The following CFAP300 variants were observed in gnomAD, a reference collection of about 807,000 sequenced individuals.
The protein encoded by CFAP300 is cilia and flagella associated protein 300, also known as cilia- and flagella-associated protein 300.
A neutral mutation model predicts 33.0 loss-of-function variants in CFAP300; 32 were observed. That is an observed-to-expected ratio of 0.97 (90% CI 0.73 to 1.30). The LOEUF is 1.30. Ranked by LOEUF, CFAP300 falls within the 50% of genes most tolerant of loss-of-function variation. The pLI is 0.00. For synonymous variants in CFAP300, 102 were observed against 106.8 expected (o/e 0.95, Z 0.28); for missense variants, 356 against 318.1 (o/e 1.12, Z -0.90).
intron 3 of CFAP300, among the ~76,000 whole-genome samples, chr11:102,065,494 C>T (rs547091608): frequency 6.0e-4 from 91 of 151,990 alleles, no homozygotes; most frequent in African/African-American, 2.0e-3. Flanking sequence ...TGGCCAGGCG[C>T]GGTTGCTCAT....
intron 2 of CFAP300, among the ~76,000 whole-genome samples, chr11:102,052,345 T>A (rs1941984006): frequency 6.6e-6 from 1 of 152,228 alleles, no homozygotes; most frequent in Non-Finnish European, 1.5e-5. Flanking sequence ...TGAGGTTAAT[T>A]CCAGTTTATG....
At chr11:102,053,207 C>T (rs757026704) in intron 2 of CFAP300, among the ~76,000 whole-genome samples, 30 of 150,776 alleles carry the variant, frequency 2.0e-4, no homozygotes, top group East Asian at 3.9e-4. Context: ...CCAGCCTGGG[C>T]GACAGAGTGA....
intron 3 of CFAP300, among the ~76,000 whole-genome samples, chr11:102,066,052 G>A (rs1164863882): frequency 6.6e-6 from 1 of 151,208 alleles, no homozygotes; most frequent in African/African-American, 2.4e-5. Flanking sequence ...CTGCCCACCA[G>A]GTTCAAGCAG....
chr11:102,057,022 A>G (rs1157248972), intron 2 of CFAP300, among the ~76,000 whole-genome samples: 1 of 152,066 alleles, frequency 6.6e-6, no homozygotes, highest in Admixed American at 6.6e-5. Flanking sequence ...CTGACATGAG[A>G]AAAGAAAAAT....
At chr11:102,080,872 A>G (rs1278180216) in intron 5 of CFAP300, among the ~76,000 whole-genome samples, 4 of 152,200 alleles carry the variant, frequency 2.6e-5, no homozygotes, top group African/African-American at 4.8e-5. Context: ...TCATGCTTTT[A>G]TCTACCCCGT....
intron 5 of CFAP300, among the ~76,000 whole-genome samples, chr11:102,080,038 T>C (rs1942451497): frequency 6.6e-6 from 1 of 152,072 alleles, no homozygotes; most frequent in African/African-American, 2.4e-5. Flanking sequence ...TCCCAGGACT[T>C]TGGGAGGCCA....
Position 102,077,757 on chromosome 11 carries a change from T to C in CFAP300, c.608+1712T>C, listed in dbSNP as rs192275814. Among the ~76,000 whole-genome samples, 27 of 152,274 alleles carry C rather than the reference T, an allele frequency of 1.8e-4. No individual in the cohort carries two copies. In the East Asian group the frequency reaches 5.0e-3, roughly 28 times the overall value. On this transcript the variant is annotated intron_variant, in intron 5 of 6. Transcript: ENST00000434758. Reference sequence around the variant, plus strand: ...GCCTGGCTAATTTCTTTATTTTTCATAGAGACGGGGTTTTATCATTTTGGC... The same window carrying C: ...GCCTGGCTAATTTCTTTATTTTTCACAGAGACGGGGTTTTATCATTTTGGC...
At chr11:102,062,940 A>G (rs1026980127) in intron 3 of CFAP300, among the ~76,000 whole-genome samples, 2 of 152,232 alleles carry the variant, frequency 1.3e-5, no homozygotes, top group Non-Finnish European at 2.9e-5. Flanking sequence ...AGATCCTGCA[A>G]GACTGGACCA....
intron 2 of CFAP300, among the ~76,000 whole-genome samples, chr11:102,056,284 T>C (rs1942055471): frequency 6.6e-6 from 1 of 152,212 alleles, no homozygotes; most frequent in African/African-American, 2.4e-5. Flanking sequence ...AACAAAAAAC[T>C]CCTTATACCT....
intron 3 of CFAP300, among the ~76,000 whole-genome samples, chr11:102,061,102 T>C (rs1399778401): frequency 6.6e-6 from 1 of 152,198 alleles, no homozygotes; most frequent in East Asian, 1.9e-4. Context: ...AACTTTATAC[T>C]AATTTTTGAA....
intron 4 of CFAP300, among the ~76,000 whole-genome samples, chr11:102,071,928 T>C (rs2135041318): frequency 6.6e-6 from 1 of 152,312 alleles, no homozygotes; most frequent in East Asian, 1.9e-4. Context: ...TTTCTTTAAC[T>C]TTTGATGGTT....
At chr11:102,054,318 C>T (rs555021331) in intron 2 of CFAP300, among the ~76,000 whole-genome samples, 1 of 152,358 alleles carries the variant, frequency 6.6e-6, no homozygotes, top group African/African-American at 2.4e-5. Flanking sequence ...TATCTCCTCT[C>T]TTACTATCTG....
At chr11:102,069,475 CA>C (rs1284791102) in intron 4 of CFAP300, among the ~76,000 whole-genome samples, 1 of 151,958 alleles carries the variant, frequency 6.6e-6, no homozygotes, top group Non-Finnish European at 1.5e-5. Flanking sequence ...ACATTCATTC[CA>C]AAAAATTTTT....
intron 2 of CFAP300, among the ~76,000 whole-genome samples, chr11:102,049,850 A>AG (rs943661180): frequency 1.3e-5 from 2 of 150,950 alleles, no homozygotes; most frequent in Non-Finnish European, 3.0e-5. Context: ...AGAAATGTTA[A>AG]GAAAAAAAAA....
chr11:102,073,546 C>T (rs540710451), intron 4 of CFAP300, among the ~76,000 whole-genome samples: 3 of 152,258 alleles, frequency 2.0e-5, no homozygotes, highest in East Asian at 3.9e-4. Context: ...GATCCTCAAG[C>T]CCCCTAGCAA....
intron 5 of CFAP300, among the ~76,000 whole-genome samples, chr11:102,077,002 T>A (rs892612914): frequency 3.3e-5 from 5 of 152,186 alleles, no homozygotes; most frequent in African/African-American, 1.2e-4. Flanking sequence ...TCAAACATAC[T>A]GTCCTAATTA....
chr11:102,081,085 C>T, intron 5 of CFAP300, 130 bp from the exon 6 acceptor site: 1 of 610,774 alleles, frequency 1.6e-6, no homozygotes, highest in Non-Finnish European at 2.6e-6. Flanking sequence ...TTTCAAACCA[C>T]TTAGTTGGAT....
chr11:102,072,081 C>G (rs1942321611), intron 4 of CFAP300, among the ~76,000 whole-genome samples: 1 of 151,888 alleles, frequency 6.6e-6, no homozygotes, highest in East Asian at 1.9e-4. Context: ...TTTTTTTATG[C>G]CTTTGGGCTT....
chr11:102,059,048 T>A lies in CFAP300; in HGVS notation c.268+93T>A, dbSNP rs538762252. On this transcript the variant is annotated intron_variant, in intron 3 of 6. Coordinates refer to ENST00000434758, the MANE Select transcript of CFAP300 (RefSeq NM_032930.3). ...TCATTATTAAAATATAAATTGGGAA[T>A]GACTCATCTGTTTGATACATCAAGA... 1.7e-4 allele frequency: 123 copies of A among 708,942 alleles called. 2 individuals carry two copies. In the East Asian group the frequency reaches 3.5e-3, roughly 20 times the overall value. The allele number at this position is 708,942 out of a possible 1,614,324, so 43.9% of individuals were successfully genotyped here. A position where few individuals can be genotyped will look rare whatever the true frequency, so the allele number is the denominator to read the frequency against.
Sources: gnomAD v4.1 joint callset for allele counts (sites outside exome capture counted in the v4.1 genomes callset) on GRCh38, gnomAD v4.1.1 for gene constraint, MANE v1.5 for transcripts, NCBI Gene and HGNC (gene_info 2026-07-23, HGNC 2026-07-21) for gene names.